CILP: variants seen among roughly 807,000 people sequenced by gnomAD.
CILP encodes cartilage intermediate layer protein.
CILP carries 75 observed loss-of-function variants against 82.5 expected under a neutral mutation model. That is an observed-to-expected ratio of 0.91 (90% CI 0.75 to 1.10). The LOEUF (loss-of-function observed/expected upper bound fraction) is 1.10, where lower values mean the gene tolerates loss of function less well. CILP is among the 50% of genes least tolerant of loss of function. The probability of loss-of-function intolerance (pLI) is 0.00; values close to 1 mark genes in which losing one functional copy is unlikely to be tolerated. For missense variants in CILP, 1,479 were observed against 1,530.8 expected (o/e 0.97, Z 0.56); for synonymous variants, 530 against 580.3 (o/e 0.91, Z 1.25).
At chr15:65,208,659 G>C (rs945099576) in intron 2 of CILP, among the ~76,000 whole-genome samples, 1 of 152,212 alleles carries the variant, frequency 6.6e-6, no homozygotes, top group African/African-American at 2.4e-5. Flanking sequence ...GCCACAAGCA[G>C]TTCCAGCTGT....
rs2088407655 is a variant in CILP, at chr15:65,198,484, A to T, written c.1802T>A (p.Leu601Gln). Reference sequence around the variant, plus strand: ...GTAGAAACTCCTGGATGGAATCTCCAGTTCAGCCATGGGGTCTTCACCAAC... The same window carrying T: ...GTAGAAACTCCTGGATGGAATCTCCTGTTCAGCCATGGGGTCTTCACCAAC... ...EVVGEDPMAELEIPSRSFYRQ... is the reference protein window; with the variant it reads ...EVVGEDPMAEQEIPSRSFYRQ... Residue 601 changes from leucine (L) to glutamine (Q), a missense_variant, in exon 9 of 9, where the codon CTG becomes CAG. Leu to Gln is a moderately radical substitution (Grantham distance 113, BLOSUM62 -2). Coordinates refer to ENST00000261883, the MANE Select transcript of CILP (RefSeq NM_003613.4). 6.2e-7 allele frequency: 1 copy of T among 1,614,118 alleles called. No homozygotes were observed. The highest frequency in any genetic ancestry group is 1.7e-5 in the Admixed American group (1 of 60,002).
Position 65,207,755 on chromosome 15 carries a change from G to A in CILP, c.71C>T (p.Thr24Met), listed in dbSNP as rs2088534362. 7.4e-6 allele frequency: 12 copies of A among 1,613,964 alleles called. No homozygotes were observed. The highest frequency in any genetic ancestry group is 1.3e-5 in the African/African-American group (1 of 74,914). ...LEVTSVLGRQ[T>M]MLTQSVRRVQ... ...TCTTCTTACTGACTGGGTGAGCATC[G>A]TCTGTCTCCCTGAGGGCCAGAAGGA... The change falls in exon 3 of 9, where the codon ACG becomes ATG. Residue 24 changes from threonine (T) to methionine (M), a missense_variant. Transcript: ENST00000261883.
Position 65,196,789 on chromosome 15 carries a change from C to T in CILP, c.3497G>A (p.Gly1166Asp), listed in dbSNP as rs60240130. The T allele has an allele frequency of 1.3e-6, 2 of 1,595,470 alleles. No homozygotes were observed. Among genetic ancestry groups the T allele is most frequent in the South Asian group, 1.1e-5 (1 of 88,010 alleles). Residue 1166 changes from glycine to aspartate, a missense_variant, in exon 9 of 9, where the codon GGT (glycine) becomes GAT (aspartate). Transcript: ENST00000261883. ...QRASRGGQRQ[G>D]GVVASLRFPR... is the part of the protein sequence containing the mutation. ...AAATCTCAGAGAGGCCACCACTCCA[C>T]CCTGGCGCTGGCCACCCCTGCTCGC...
At chr15:65,202,867 A>C (rs1323851051) in intron 7 of CILP, among the ~76,000 whole-genome samples, 1 of 138,388 alleles carries the variant, frequency 7.2e-6, no homozygotes, top group Non-Finnish European at 1.5e-5. Flanking sequence ...ACAAGATCAC[A>C]CACTGTCACT....
Position 65,197,086 on chromosome 15 carries a change from A to G in CILP, c.3200T>C (p.Leu1067Ser). The part of the protein sequence containing the change: ...DTSEYTMLAP[L>S]DPLGHNYGIY... The stretch of plus-strand genomic sequence containing the variant: ...GCCATAGTTGTGGCCCAGTGGGTCC[A>G]AGGGTGCCAGCATGGTGTACTCACT... Residue 1067 changes from leucine (L) to serine (S), a missense_variant, in exon 9 of 9, where the codon TTG (leucine) becomes TCG (serine). Leu to Ser is a moderately radical substitution (Grantham distance 145). Transcript: ENST00000261883. 1 of 1,614,144 alleles carries G rather than the reference A, an allele frequency of 6.2e-7. No homozygotes were observed. The highest frequency in any genetic ancestry group is 8.5e-7 in the Non-Finnish European group (1 of 1,180,038).
In CILP at chr15:65,209,779, G is replaced by A. The variant is rs142507082; in HGVS notation, c.-24C>T. On this transcript the variant is annotated 5_prime_UTR_variant, in exon 2 of 9. The change creates a new upstream start codon in the 5' untranslated region. Coordinates refer to ENST00000261883, the MANE Select transcript of CILP (RefSeq NM_003613.4). Reference sequence around the variant, plus strand: ...ATCTTTCCCCCAAGCCCGTGGGAACGTGGCAAGAGGTAGATGTGGGTGCTT... The same window carrying A: ...ATCTTTCCCCCAAGCCCGTGGGAACATGGCAAGAGGTAGATGTGGGTGCTT... The A allele has an allele frequency of 1.4e-5, 22 of 1,612,700 alleles. No homozygotes were observed. The highest frequency in any genetic ancestry group is 1.3e-4 in the African/African-American group (10 of 74,992).
chr15:65,201,169 T>C (rs979164429), intron 8 of CILP, among the ~76,000 whole-genome samples: 2 of 152,202 alleles, frequency 1.3e-5, no homozygotes, highest in East Asian at 3.9e-4. Flanking sequence ...GCCTGGCTAA[T>C]TTTTGTATTT....
Position 65,198,056 on chromosome 15 carries a change from G to A in CILP, c.2230C>T (p.Leu744=), listed in dbSNP as rs2088397977. The part of the protein sequence containing the change: ...LEIRERRLFN[L]DVPESRRCFV... The stretch of plus-strand genomic sequence containing the variant: ...CACCGCCTGCTTTCAGGAACATCCA[G>A]GTTAAAGAGCCTCCTCTCACGAATC... The change falls in exon 9 of 9, where the codon CTG becomes TTG. Residue 744 remains leucine (L), a synonymous_variant. Coordinates refer to ENST00000261883, the MANE Select transcript of CILP (RefSeq NM_003613.4). 1.9e-6 allele frequency: 3 copies of A among 1,614,122 alleles called. No individual in the cohort carries two copies. Among genetic ancestry groups the A allele is most frequent in the South Asian group, 1.1e-5 (1 of 91,092 alleles).
Position 65,204,318 on chromosome 15 carries a change from G to A in CILP, c.869C>T (p.Pro290Leu). The A allele has an allele frequency of 6.2e-7, 1 of 1,614,132 alleles. No individual in the cohort carries two copies. The highest frequency in any genetic ancestry group is 8.5e-7 in the Non-Finnish European group (1 of 1,180,020). Residue 290 changes from proline (P) to leucine (L), a missense_variant, in exon 6 of 9, where the codon CCC becomes CTC. Transcript: ENST00000261883. The stretch of plus-strand genomic sequence containing the variant: ...GGTGGCTGCCTTCAGGCTAGTCTTG[G>A]GCATTGTGAGTACAATGGGGGCAAA... Reference protein sequence around the residue: ...VKFAPIVLTMPKTSLKAATIK... With the variant: ...VKFAPIVLTMLKTSLKAATIK...
chr15:65,210,185 A>C (rs1219014743), intron 1 of CILP, among the ~76,000 whole-genome samples: 2 of 152,126 alleles, frequency 1.3e-5, no homozygotes, highest in African/African-American at 4.8e-5. Context: ...GTGACTCGTC[A>C]CTTCTAAAAC....
chr15:65,198,063 G>C lies in CILP; in HGVS notation c.2223C>G (p.Leu741=). Reference sequence around the variant, plus strand: ...TGCTTTCAGGAACATCCAGGTTAAAGAGCCTCCTCTCACGAATCTCCAGGT... The same window carrying C: ...TGCTTTCAGGAACATCCAGGTTAAACAGCCTCCTCTCACGAATCTCCAGGT... The part of the protein sequence containing the change: ...VGNLEIRERR[L]FNLDVPESRR... The change falls in exon 9 of 9, where the codon CTC becomes CTG. Residue 741 remains leucine, a synonymous_variant. Transcript: ENST00000261883. 1.2e-6 allele frequency: 2 copies of C among 1,614,218 alleles called. No homozygotes were observed. Among genetic ancestry groups the C allele is most frequent in the Non-Finnish European group, 1.7e-6 (2 of 1,180,046 alleles).
rs377170000 is a variant in CILP, at chr15:65,209,829, C to T, written c.-74G>A. 76 of 1,360,188 alleles carry T rather than the reference C, an allele frequency of 5.6e-5. No individual in the cohort carries two copies. The East Asian group carries it at 9.5e-4, about 17-fold the overall frequency. 84.3% of individuals were successfully genotyped at this position (1,360,188 alleles called of 1,614,324 possible). The stretch of plus-strand genomic sequence containing the variant: ...TCACAGAGTCACTGACTCTGGAATG[C>T]GGTCCCCTGGGAAGTTTCTCAGATC... On this transcript the variant is annotated 5_prime_UTR_variant, in exon 2 of 9. Coordinates refer to ENST00000261883, the MANE Select transcript of CILP (RefSeq NM_003613.4).
At chr15:65,200,826 C>A (rs115683690) in intron 8 of CILP, among the ~76,000 whole-genome samples, 3,592 of 152,222 alleles carry the variant, frequency 0.024, 93 homozygotes, top group African/African-American at 0.061. Flanking sequence ...AGTATTTTTT[C>A]AAACCCAGTC....
Position 65,204,603 on chromosome 15 carries a change from T to G in CILP, c.605-21A>C, listed in dbSNP as rs2088497286. ...ACAGGCTGTGGAACAAGGGGCCATA[T>G]CAGCAGGGATTCTATGGATTCTGGC... On this transcript the variant is annotated intron_variant, in intron 5 of 8. Coordinates refer to ENST00000261883, the MANE Select transcript of CILP (RefSeq NM_003613.4). 4 of 1,574,660 alleles carry G rather than the reference T, an allele frequency of 2.5e-6. No homozygotes were observed. The South Asian group carries it at 4.7e-5, about 18-fold the overall frequency.
At chr15:65,210,070 G>C (rs981763060) in intron 1 of CILP, among the ~76,000 whole-genome samples, 5 of 152,112 alleles carry the variant, frequency 3.3e-5, no homozygotes, top group African/African-American at 1.2e-4. Context: ...CATCCCTGGG[G>C]GTAGGCTCCA....
chr15:65,201,045 A>G (rs1216143388), intron 8 of CILP, among the ~76,000 whole-genome samples: 1 of 151,510 alleles, frequency 6.6e-6, no homozygotes, highest in Non-Finnish European at 1.5e-5. Context: ...TCTGTTTCCC[A>G]GGCTGGAGTG....
In CILP at chr15:65,204,411, T is replaced by A; in HGVS notation, c.776A>T (p.Asp259Val). 6.2e-7 allele frequency: 1 copy of A among 1,614,168 alleles called. No individual in the cohort carries two copies. The highest frequency in any genetic ancestry group is 8.5e-7 in the Non-Finnish European group (1 of 1,180,010). ...CAAGCCAGGGATTCGGAATCTCCCA[T>A]CACTGTCTGTCTGGGTCAGCAGCTT... ...TPKLLTQTDS[D>V]GRFRIPGLCP... The change falls in exon 6 of 9, where the codon GAT becomes GTT. Residue 259 changes from aspartate (D) to valine (V), a missense_variant. Physicochemically the swap from Asp to Val is radical, Grantham distance 152. Coordinates refer to ENST00000261883, the MANE Select transcript of CILP (RefSeq NM_003613.4).
Position 65,199,055 on chromosome 15 carries a change from T to C in CILP, c.1231A>G (p.Ile411Val), listed in dbSNP as rs2088419772. 6.2e-7 allele frequency: 1 copy of C among 1,601,080 alleles called. No homozygotes were observed. The highest frequency in any genetic ancestry group is 8.5e-7 in the Non-Finnish European group (1 of 1,179,578). ...TGAAAGCAATCATGGGGCAGCCGGA[T>C]AAGATAGCTCTCAGGAACTGGGTTG... is the stretch of plus-strand genomic sequence containing the variant. ...PCNPVPESYL[I>V]RLPHDCFQNA... Residue 411 changes from isoleucine to valine, a missense_variant, in exon 9 of 9, where the codon ATC becomes GTC. By Grantham distance (29) the Ile-to-Val change is conservative. Coordinates refer to ENST00000261883, the MANE Select transcript of CILP (RefSeq NM_003613.4).
rs571870703 is a variant in CILP at position 65,211,461 on chromosome 15, C to T, written c.-140G>A. 1 of 152,616 alleles carries T rather than the reference C, an allele frequency of 6.6e-6. No individual in the cohort carries two copies. Among genetic ancestry groups the T allele is most frequent in the Non-Finnish European group, 1.5e-5 (1 of 68,366 alleles). The allele number at this position is 152,616 out of a possible 1,614,324, so 9.5% of individuals were successfully genotyped here. ...GAGCAGGACTCCTCAGCTGGGGGTC[C>T]AAGCCTTCGCCTCTCCAGCAGTCCA... is the stretch of plus-strand genomic sequence containing the variant. On this transcript the variant is annotated 5_prime_UTR_variant, in exon 1 of 9. Transcript: ENST00000261883.
Sources: gnomAD v4.1 joint callset for allele counts (sites outside exome capture counted in the v4.1 genomes callset) on GRCh38, gnomAD v4.1.1 for gene constraint, MANE v1.5 for transcripts, NCBI Gene and HGNC (gene_info 2026-07-23, HGNC 2026-07-21) for gene names.